Variants in ZBTB44 observed in about 807,000 individuals in gnomAD.
The protein encoded by ZBTB44 is zinc finger and BTB domain containing 44.
ZBTB44 carries 15 observed loss-of-function variants against 54.0 expected under a neutral mutation model. The ratio of observed to expected loss-of-function variants is 0.28; its 90% CI spans 0.19 to 0.43. The LOEUF (loss-of-function observed/expected upper bound fraction) is 0.43, where lower values mean the gene tolerates loss of function less well. ZBTB44 is among the 20% of genes least tolerant of loss of function. The pLI is 1.00. For synonymous variants in ZBTB44, 230 were observed against 250.1 expected (o/e 0.92, Z 0.76); for missense variants, 487 against 707.1 (o/e 0.69, Z 3.53).
chr11:130,239,821 T>C lies in ZBTB44; in HGVS notation c.1094A>G (p.Asp365Gly). The C allele has an allele frequency of 6.2e-7, 1 of 1,612,162 alleles. No homozygotes were observed. Among genetic ancestry groups the C allele is most frequent in the East Asian group, 2.2e-5 (1 of 44,828 alleles). ...STSSTNAPPDDDDRLENVQYP... is the reference protein window; with the variant it reads ...STSSTNAPPDGDDRLENVQYP... Reference sequence around the variant, plus strand: ...CTATGTTAGTACTGACCGATCATCATCATCCGGAGGAGCATTAGTGCTAGA... The same window carrying C: ...CTATGTTAGTACTGACCGATCATCACCATCCGGAGGAGCATTAGTGCTAGA... Residue 365 changes from aspartate to glycine, a missense_variant, in exon 3 of 8, where the codon GAT becomes GGT. Around this residue, in one of 3 missense-constraint regions of ZBTB44, gnomAD observed 277 missense variants for 306.5 expected, o/e 0.90. Transcript: ENST00000357899.
rs926243302 is a variant in ZBTB44 at position 130,268,098 on chromosome 11, G to T, written c.-56-6169C>A. Among the ~76,000 whole-genome samples the T allele has an allele frequency of 2.7e-5, 4 of 149,812 alleles. No individual in the cohort carries two copies. The East Asian group carries it at 7.9e-4, about 29-fold the overall frequency. ...AAAAAAAAAAAAGAGAAATCCTCAC[G>T]AAAGAAAGATCCAGGTTGGGTGCAG... On this transcript the variant is annotated intron_variant, in intron 1 of 7. Coordinates refer to ENST00000357899, the MANE Select transcript of ZBTB44 (RefSeq NM_001301098.2).
At chr11:130,259,293 C>T (rs1157275363) in intron 2 of ZBTB44, among the ~76,000 whole-genome samples, 1 of 152,192 alleles carries the variant, frequency 6.6e-6, no homozygotes. Flanking sequence ...ATTAAAAAGT[C>T]TGGAAACAAC....
intron 2 of ZBTB44, among the ~76,000 whole-genome samples, chr11:130,252,105 A>G (rs923358060): frequency 7.2e-5 from 11 of 152,220 alleles, no homozygotes; most frequent in Admixed American, 3.3e-4. Context: ...GAAAGAAAAA[A>G]AAGAAGCAGG....
intron 1 of ZBTB44, chr11:130,296,166 G>A: frequency 2.2e-6 from 3 of 1,389,710 alleles, no homozygotes; most frequent in Non-Finnish European, 3.0e-6. Flanking sequence ...AAGTTTTGAA[G>A]GTTGGCAAGG....
At chr11:130,303,268 G>A (rs908050576) in intron 1 of ZBTB44, among the ~76,000 whole-genome samples, 3 of 152,172 alleles carry the variant, frequency 2.0e-5, no homozygotes, top group East Asian at 3.8e-4. Flanking sequence ...ACGTTGCCAA[G>A]ATGTTTGTAG....
At chr11:130,283,033 AC>A (rs1173844548) in intron 1 of ZBTB44, among the ~76,000 whole-genome samples, 7 of 138,056 alleles carry the variant, frequency 5.1e-5, no homozygotes, top group South Asian at 2.3e-4. Flanking sequence ...TGCCATTCTA[AC>A]CTTTTTTTTT....
intron 2 of ZBTB44, among the ~76,000 whole-genome samples, chr11:130,252,632 A>G (rs190072894): frequency 6.6e-6 from 1 of 152,128 alleles, no homozygotes; most frequent in East Asian, 1.9e-4. Flanking sequence ...TCACTCTATC[A>G]GAGGTACAAA....
intron 1 of ZBTB44, among the ~76,000 whole-genome samples, chr11:130,305,557 T>C (rs1942220948): frequency 1.3e-5 from 2 of 152,278 alleles, no homozygotes; most frequent in South Asian, 2.1e-4. Flanking sequence ...AAGCCACATG[T>C]AGAAGAATGA....
intron 1 of ZBTB44, among the ~76,000 whole-genome samples, chr11:130,286,667 T>TCA (rs1482814633): frequency 1.3e-5 from 2 of 152,242 alleles, no homozygotes; most frequent in Non-Finnish European, 2.9e-5. Context: ...AGGCTTTGAG[T>TCA]ATTTCACATT....
chr11:130,253,001 CA>C, intron 2 of ZBTB44, among the ~76,000 whole-genome samples: 1 of 152,114 alleles, frequency 6.6e-6, no homozygotes, highest in East Asian at 1.9e-4. Flanking sequence ...AGGCCTTTGA[CA>C]AAATTCAACA....
rs1361040852 is a variant in ZBTB44, at chr11:130,239,980, C to G, written c.1019-84G>C. The G allele has an allele frequency of 4.4e-6, 4 of 901,110 alleles. No homozygotes were observed. In the African/African-American group the frequency reaches 6.7e-5, roughly 15 times the overall value. The allele number at this position is 901,110 out of a possible 1,614,324, so 55.8% of individuals were successfully genotyped here. A position where few individuals can be genotyped will look rare whatever the true frequency, so the allele number is the denominator to read the frequency against. On this transcript the variant is annotated intron_variant, in intron 2 of 7. Transcript: ENST00000357899. ...AACTGAAAGCTATATTATATCTAAG[C>G]CTCTGACATATATTATCTAGTGTTC...
At chr11:130,250,358 T>C (rs1378278481) in intron 2 of ZBTB44, among the ~76,000 whole-genome samples, 1 of 152,210 alleles carries the variant, frequency 6.6e-6, no homozygotes, top group African/African-American at 2.4e-5. Context: ...TAAACGTCCC[T>C]GCCTGCAGGT....
At chr11:130,273,806 C>T (rs1939853164) in intron 1 of ZBTB44, among the ~76,000 whole-genome samples, 1 of 152,132 alleles carries the variant, frequency 6.6e-6, no homozygotes, top group South Asian at 2.1e-4. Context: ...TGGTGGCTCA[C>T]ATCTGTAATC....
At chr11:130,251,894 C>T (rs546057846) in intron 2 of ZBTB44, among the ~76,000 whole-genome samples, 10 of 152,198 alleles carry the variant, frequency 6.6e-5, no homozygotes, top group Admixed American at 1.3e-4. Context: ...AGCATCATGA[C>T]GACAGGATCA....
At chr11:130,249,111 A>G (rs1312124039) in intron 2 of ZBTB44, among the ~76,000 whole-genome samples, 3 of 152,190 alleles carry the variant, frequency 2.0e-5, no homozygotes, top group African/African-American at 7.2e-5. Flanking sequence ...CTCAAACAAA[A>G]ACAAAACTAT....
intron 1 of ZBTB44, among the ~76,000 whole-genome samples, chr11:130,302,633 T>G (rs1428665268): frequency 6.6e-6 from 1 of 152,154 alleles, no homozygotes; most frequent in Non-Finnish European, 1.5e-5. Context: ...GAAAAAGCTG[T>G]AAGTAGAAGA....
chr11:130,290,424 C>T (rs1448647057), intron 1 of ZBTB44, among the ~76,000 whole-genome samples: 2 of 152,166 alleles, frequency 1.3e-5, no homozygotes, highest in South Asian at 4.1e-4. Flanking sequence ...CCACAGAAAA[C>T]TAATACAATT....
At chr11:130,268,275 C>A (rs1433988214) in intron 1 of ZBTB44, among the ~76,000 whole-genome samples, 1 of 151,282 alleles carries the variant, frequency 6.6e-6, no homozygotes. Flanking sequence ...AAGATTCAAC[C>A]CATGTGGCAA....
chr11:130,233,684 T>C, intron 6 of ZBTB44: 1 of 1,243,970 alleles, frequency 8.0e-7, no homozygotes, highest in Non-Finnish European at 1.0e-6. Context: ...CTCTAGCTAA[T>C]GATCTGTTGT....
Sources: gnomAD v4.1 joint callset for allele counts (sites outside exome capture counted in the v4.1 genomes callset) on GRCh38, gnomAD v4.1.1 for gene constraint, gnomAD v4.1.1 regional missense constraint, MANE v1.5 for transcripts, NCBI Gene and HGNC (gene_info 2026-07-23, HGNC 2026-07-21) for gene names.